The following KIF4A variants were observed in gnomAD, a reference collection of about 807,000 sequenced individuals.
KIF4A encodes the protein chromosome-associated kinesin KIF4A.
KIF4A carries 7 observed loss-of-function variants against 105.9 expected under a neutral mutation model. The ratio of observed to expected loss-of-function variants is 0.07; its 90% CI spans 0.04 to 0.12. KIF4A has a LOEUF of 0.12. Ranked by LOEUF, KIF4A falls within the 10% of genes least tolerant of loss-of-function variation. The pLI is 1.00. For synonymous variants in KIF4A, 281 were observed against 331.3 expected, an observed-to-expected ratio of 0.85 and a Z score of 1.65; for missense variants, 558 against 929.2, an observed-to-expected ratio of 0.60 and a Z score of 5.19.
Position 70,387,242 on chromosome X carries a change from A to G in KIF4A, c.2177A>G (p.Asp726Gly). 8.4e-7 allele frequency: 1 copy of G among 1,191,131 alleles called. No homozygotes were observed. The highest frequency in any genetic ancestry group is 1.1e-6 in the Non-Finnish European group (1 of 885,109). Residue 726 changes from aspartate (D) to glycine (G), a missense_variant, in exon 20 of 31, where the codon GAT becomes GGT. By Grantham distance (94) the Asp-to-Gly change is moderately conservative. Coordinates refer to ENST00000374403, the MANE Select transcript of KIF4A (RefSeq NM_012310.5). The part of the protein sequence containing the change: ...DALQKQREVA[D>G]KRKETQSRGM... ...CTCCAGAAACAACGGGAGGTTGCAGATAAGCGGAAAGAGACTCAGAGCCGT... is the reference window on the plus strand; with the variant it reads ...CTCCAGAAACAACGGGAGGTTGCAGGTAAGCGGAAAGAGACTCAGAGCCGT...
chrX:70,356,867 G>A (rs1246385427), intron 15 of KIF4A, among the ~76,000 whole-genome samples: 3 of 111,933 alleles, frequency 2.7e-5, no homozygotes, highest in Non-Finnish European at 5.6e-5. Flanking sequence ...GTTTAAATGA[G>A]TATTTAGTGT....
chrX:70,353,493 C>T (rs970510708), intron 14 of KIF4A, 129 bp from the exon 15 acceptor site: 14 of 537,872 alleles, frequency 2.6e-5, no homozygotes, highest in Non-Finnish European at 3.5e-5. Flanking sequence ...CAAATGTATG[C>T]AGAGCCACTG....
At chrX:70,337,625 C>T (rs2100114813) in intron 10 of KIF4A, among the ~76,000 whole-genome samples, 1 of 111,298 alleles carries the variant, frequency 9.0e-6, no homozygotes, top group South Asian at 3.8e-4. Context: ...GAGCTATGAT[C>T]ATACCACGCA....
At chrX:70,386,258 A>C (rs1401113712) in intron 18 of KIF4A, among the ~76,000 whole-genome samples, 1 of 111,369 alleles carries the variant, frequency 9.0e-6, no homozygotes, top group African/African-American at 3.3e-5. Context: ...TCTATTTTTC[A>C]GGAGACCTGA....
At chrX:70,402,404 C>T (rs745721078) in intron 22 of KIF4A, among the ~76,000 whole-genome samples, 162 bp from the exon 23 acceptor site, 20 of 112,294 alleles carry the variant, frequency 1.8e-4, no homozygotes, top group Non-Finnish European at 3.4e-4. Flanking sequence ...ACAAGATTTG[C>T]GATACTATGT....
chrX:70,395,914 T>C (rs1249516517), intron 21 of KIF4A, 35 bp from the exon 22 acceptor site: 1 of 1,194,131 alleles, frequency 8.4e-7, no homozygotes, highest in Non-Finnish European at 1.1e-6. Context: ...ACTTTCCTTT[T>C]AGTATTTCAC....
chrX:70,380,036 C>T (rs1226869038), intron 18 of KIF4A, among the ~76,000 whole-genome samples: 1 of 111,860 alleles, frequency 8.9e-6, no homozygotes, highest in Non-Finnish European at 1.9e-5. Flanking sequence ...GGCGTGGTGA[C>T]TCACACCTGT....
intron 15 of KIF4A, among the ~76,000 whole-genome samples, chrX:70,357,412 C>A (rs1046575286): frequency 3.6e-5 from 4 of 112,400 alleles, no homozygotes; most frequent in Non-Finnish European, 7.5e-5. Flanking sequence ...AACAACCGTT[C>A]TGGAATCTTC....
At chrX:70,378,952 C>T (rs774951134) in intron 18 of KIF4A, among the ~76,000 whole-genome samples, 85 of 108,940 alleles carry the variant, frequency 7.8e-4, no homozygotes, top group African/African-American at 2.6e-3. Flanking sequence ...GTCAGGAGAT[C>T]GAGACCATCC....
At chrX:70,303,884 G>T (rs2085814137) in intron 7 of KIF4A, among the ~76,000 whole-genome samples, 1 of 107,635 alleles carries the variant, frequency 9.3e-6, no homozygotes, top group Non-Finnish European at 1.9e-5. Flanking sequence ...CCTTTCCCTG[G>T]CCCTAGGCAA....
intron 7 of KIF4A, among the ~76,000 whole-genome samples, chrX:70,319,560 A>G (rs943567795): frequency 8.9e-6 from 1 of 112,175 alleles, no homozygotes; most frequent in African/African-American, 3.2e-5. Flanking sequence ...TGAGTATTCT[A>G]TTAAATCAAA....
intron 22 of KIF4A, among the ~76,000 whole-genome samples, chrX:70,396,673 G>A (rs2086260755): frequency 8.9e-6 from 1 of 112,348 alleles, no homozygotes; most frequent in Non-Finnish European, 1.9e-5. Flanking sequence ...CACAGAAGGT[G>A]AACTTTAGAG....
intron 3 of KIF4A, among the ~76,000 whole-genome samples, chrX:70,291,646 A>G (rs1195161413): frequency 8.9e-6 from 1 of 111,935 alleles, no homozygotes; most frequent in Non-Finnish European, 1.9e-5. Context: ...GTTCGTTTAA[A>G]AGAAGTAGAA....
chrX:70,292,453 C>T (rs1034334430), intron 3 of KIF4A, among the ~76,000 whole-genome samples: 9 of 112,184 alleles, frequency 8.0e-5, no homozygotes, highest in Non-Finnish European at 1.1e-4. Flanking sequence ...CTGGCATTTA[C>T]TTATGATTAG....
intron 22 of KIF4A, among the ~76,000 whole-genome samples, chrX:70,398,130 T>C (rs59451121): frequency 0.08 from 8,919 of 111,756 alleles, 272 homozygotes; most frequent in Middle Eastern, 0.12. Flanking sequence ...CTCTGCCTCC[T>C]GGGTTCAAGT....
intron 7 of KIF4A, among the ~76,000 whole-genome samples, chrX:70,329,143 T>C (rs981279114): frequency 8.0e-5 from 9 of 112,277 alleles, no homozygotes; most frequent in African/African-American, 2.9e-4. Context: ...GTTGTCATGG[T>C]GATAGTTATT....
At chrX:70,417,833 A>C in intron 28 of KIF4A, 55 bp from the exon 29 acceptor site, 2 of 979,984 alleles carry the variant, frequency 2.0e-6, no homozygotes, top group Non-Finnish European at 2.8e-6. Flanking sequence ...AAGTCATTTT[A>C]AACTAGTCTT....
chrX:70,419,854 A>G, intron 30 of KIF4A, 71 bp downstream of exon 30: 2 of 1,163,729 alleles, frequency 1.7e-6, no homozygotes, highest in Non-Finnish European at 2.3e-6. Flanking sequence ...ATGAGAGACC[A>G]GTAGGAGAGA....
In KIF4A at chrX:70,403,900, A is replaced by G; in HGVS notation, c.2656A>G (p.Ser886Gly). The change falls in exon 24 of 31, where the codon AGC becomes GGC. Residue 886 changes from serine (S) to glycine (G), a missense_variant. By Grantham distance (56) the Ser-to-Gly change is moderately conservative. Transcript: ENST00000374403. ...CAAAATACAGGTCAGCAAACTTGAA[A>G]GCAGCCTGAAACAGAGCAAGACCAG... ...SSKIQVSKLE[S>G]SLKQSKTSCA... 8.3e-7 allele frequency: 1 copy of G among 1,211,111 alleles called. No homozygotes were observed. Among genetic ancestry groups the G allele is most frequent in the Non-Finnish European group, 1.1e-6 (1 of 895,127 alleles).
Sources: allele counts gnomAD v4.1 joint callset (sites outside exome capture counted in the v4.1 genomes callset), GRCh38; gene constraint gnomAD v4.1.1; transcripts MANE v1.5; gene names NCBI Gene and HGNC (gene_info 2026-07-23, HGNC 2026-07-21).